ANKMY2: variants seen among roughly 807,000 people sequenced by gnomAD.
ANKMY2 encodes the protein ankyrin repeat and MYND domain-containing protein 2.
ANKMY2 carries 36 observed loss-of-function variants against 50.4 expected under a neutral mutation model. The observed-to-expected ratio is 0.71, with a 90% CI of 0.55 to 0.94. The LOEUF (loss-of-function observed/expected upper bound fraction) is 0.94. Ranked by LOEUF, ANKMY2 falls within the 40% of genes least tolerant of loss-of-function variation. The probability of loss-of-function intolerance (pLI) is 0.00; values close to 1 mark genes in which losing one functional copy is unlikely to be tolerated. For missense variants in ANKMY2, 565 were observed against 524.0 expected (o/e 1.08, Z -0.76); for synonymous variants, 187 against 178.8 (o/e 1.05, Z -0.36).
At chr7:16,618,726 G>A (rs1455668625) in intron 4 of ANKMY2, among the ~76,000 whole-genome samples, 2 of 152,180 alleles carry the variant, frequency 1.3e-5, no homozygotes, top group African/African-American at 4.8e-5. Context: ...GAATCTTCAA[G>A]AGAGAAAAAT....
chr7:16,622,554 T>A (rs919587364), intron 4 of ANKMY2, among the ~76,000 whole-genome samples: 2 of 151,948 alleles, frequency 1.3e-5, no homozygotes, highest in African/African-American at 4.8e-5. Flanking sequence ...CTGACCAACA[T>A]GGTGAAACCC....
intron 5 of ANKMY2, among the ~76,000 whole-genome samples, chr7:16,611,617 G>GT (rs1368398627): frequency 6.6e-6 from 1 of 152,138 alleles, no homozygotes; most frequent in Non-Finnish European, 1.5e-5. Context: ...GTGGGTCCTT[G>GT]GTGAAGCCCC....
At chr7:16,614,386 A>G (rs1447085796) in intron 5 of ANKMY2, among the ~76,000 whole-genome samples, 3 of 152,230 alleles carry the variant, frequency 2.0e-5, no homozygotes, top group Admixed American at 2.0e-4. Flanking sequence ...CTTCCAGAAT[A>G]TTAAGAAAAA....
intron 2 of ANKMY2, among the ~76,000 whole-genome samples, chr7:16,634,319 T>A (rs1162140332): frequency 6.6e-6 from 1 of 152,128 alleles, no homozygotes; most frequent in South Asian, 2.1e-4. Flanking sequence ...ATAAAACACA[T>A]GATCCCTGAG....
chr7:16,610,067 T>A (rs1000188810), intron 6 of ANKMY2, among the ~76,000 whole-genome samples: 1 of 152,134 alleles, frequency 6.6e-6, no homozygotes, highest in African/African-American at 2.4e-5. Flanking sequence ...GAATGAAAAC[T>A]CTCATAGAGC....
chr7:16,628,162 C>A (rs1045411930), intron 2 of ANKMY2, among the ~76,000 whole-genome samples: 4 of 152,184 alleles, frequency 2.6e-5, no homozygotes, highest in Admixed American at 2.0e-4. Flanking sequence ...AGGCGAAACG[C>A]TGTAAGTACC....
At chr7:16,610,452 C>G in intron 6 of ANKMY2, 97 bp downstream of exon 6, 3 of 1,034,084 alleles carry the variant, frequency 2.9e-6, no homozygotes, top group Non-Finnish European at 4.2e-6. Context: ...CAATTGCTGC[C>G]AAAATGTTTA....
intron 6 of ANKMY2, 44 bp from the exon 7 acceptor site, chr7:16,609,809 G>T (rs747493273): frequency 1.4e-5 from 23 of 1,598,080 alleles, no homozygotes; most frequent in Non-Finnish European, 1.5e-5. Flanking sequence ...GAATCACTAA[G>T]CATTCTCTCC....
At chr7:16,611,399 C>G (rs138049941) in intron 5 of ANKMY2, among the ~76,000 whole-genome samples, 1 of 152,170 alleles carries the variant, frequency 6.6e-6, no homozygotes, top group Non-Finnish European at 1.5e-5. Flanking sequence ...AAATCTTACA[C>G]GTTATGAGTC....
intron 5 of ANKMY2, among the ~76,000 whole-genome samples, chr7:16,611,101 C>T (rs774190537): frequency 6.6e-6 from 1 of 152,146 alleles, no homozygotes; most frequent in African/African-American, 2.4e-5. Context: ...CAAATTTGTA[C>T]ATTTTACATA....
At chr7:16,632,539 G>A (rs922450267) in intron 2 of ANKMY2, among the ~76,000 whole-genome samples, 36 of 152,068 alleles carry the variant, frequency 2.4e-4, no homozygotes, top group African/African-American at 8.7e-4. Context: ...CTTTCACTTA[G>A]CATTAATGTT....
At chr7:16,625,685 T>C (rs1015571033) in intron 3 of ANKMY2, among the ~76,000 whole-genome samples, 8 of 152,312 alleles carry the variant, frequency 5.3e-5, no homozygotes, top group African/African-American at 1.9e-4. Flanking sequence ...CTGGGAAATA[T>C]TGCCAGATCA....
chr7:16,601,039 A>G (rs1781052951), intron 9 of ANKMY2, 94 bp from the exon 10 acceptor site: 14 of 966,728 alleles, frequency 1.4e-5, no homozygotes, highest in Non-Finnish European at 1.8e-5. Flanking sequence ...CCTATCAACT[A>G]CATGAGGTAT....
rs182116836 is a variant in ANKMY2, at chr7:16,618,438, A to G, written c.371-2534T>C. On this transcript the variant is annotated intron_variant, in intron 4 of 9. Transcript: ENST00000306999. ...TTAACAGACATCTCAAAGGAAAAAA[A>G]GGAATAGATGGAGAATTAAACAAAT... Among the ~76,000 whole-genome samples the G allele has an allele frequency of 1.6e-3, 246 of 152,354 alleles. 3 individuals carry two copies. The highest frequency in any genetic ancestry group is 5.5e-3 in the African/African-American group (229 of 41,588).
chr7:16,610,881 A>T, intron 5 of ANKMY2, 118 bp from the exon 6 acceptor site: 1 of 845,142 alleles, frequency 1.2e-6, no homozygotes, highest in Non-Finnish European at 1.8e-6. Context: ...TAGGATCATG[A>T]AGTTATTATG....
chr7:16,632,881 G>A (rs570958335), intron 2 of ANKMY2, among the ~76,000 whole-genome samples: 1 of 152,202 alleles, frequency 6.6e-6, no homozygotes, highest in South Asian at 2.1e-4. Flanking sequence ...AATGTATGAG[G>A]GCTCCAATTT....
chr7:16,609,671 G>C lies in ANKMY2; in HGVS notation c.841C>G (p.Leu281Val). The change falls in exon 7 of 10, where the codon CTC becomes GTC. Residue 281 changes from leucine to valine, a missense_variant. By Grantham distance (32) the Leu-to-Val change is conservative. Coordinates refer to ENST00000306999, the MANE Select transcript of ANKMY2 (RefSeq NM_020319.3). Reference protein sequence around the residue: ...IRKFPYCEATLLQQLVRSIAP... With the variant: ...IRKFPYCEATVLQQLVRSIAP... Reference sequence around the variant, plus strand: ...ATGCTTCGAACCAGCTGCTGGAGGAGTGTAGCTTCACAGTAAGGAAATTTT... The same window carrying C: ...ATGCTTCGAACCAGCTGCTGGAGGACTGTAGCTTCACAGTAAGGAAATTTT... The C allele has an allele frequency of 1.2e-6, 2 of 1,612,624 alleles. No individual in the cohort carries two copies. Among genetic ancestry groups the C allele is most frequent in the South Asian group, 2.2e-5 (2 of 90,774 alleles).
chr7:16,631,514 A>C (rs564434134), intron 2 of ANKMY2, among the ~76,000 whole-genome samples: 8 of 152,188 alleles, frequency 5.3e-5, no homozygotes, highest in African/African-American at 1.9e-4. Flanking sequence ...GATAAAGCTT[A>C]CTCTGGTTTG....
chr7:16,624,254 C>T (rs558414775), intron 4 of ANKMY2, among the ~76,000 whole-genome samples: 2 of 152,114 alleles, frequency 1.3e-5, no homozygotes, highest in Non-Finnish European at 2.9e-5. Flanking sequence ...ATAAATCAGA[C>T]GTTGCTCTTT....
Sources: allele counts gnomAD v4.1 joint callset (sites outside exome capture counted in the v4.1 genomes callset), GRCh38; gene constraint gnomAD v4.1.1; transcripts MANE v1.5; gene names NCBI Gene and HGNC (gene_info 2026-07-23, HGNC 2026-07-21).